INTS6L: variants seen among roughly 807,000 people sequenced by gnomAD.
INTS6L encodes integrator complex subunit 6 like, also known as integrator complex subunit 6-like.
In INTS6L, 18 loss-of-function variants were observed where a neutral mutation model predicts 64.7. The ratio of observed to expected loss-of-function variants is 0.28; its 90% CI spans 0.19 to 0.41. The LOEUF is 0.41. INTS6L is among the 10% of genes least tolerant of loss of function. INTS6L has a pLI of 1.00. For missense variants in INTS6L, 533 were observed against 661.0 expected, an observed-to-expected ratio of 0.81 and a Z score of 2.12; for synonymous variants, 227 against 235.9, an observed-to-expected ratio of 0.96 and a Z score of 0.34.
intron 2 of INTS6L, among the ~76,000 whole-genome samples, chrX:135,541,251 C>T (rs924856314): frequency 5.4e-5 from 6 of 111,497 alleles, no homozygotes; most frequent in Non-Finnish European, 1.1e-4. Flanking sequence ...CTTTTAGGAA[C>T]GTCAGTGTCC....
chrX:135,561,891 C>G (rs144543577), intron 9 of INTS6L, among the ~76,000 whole-genome samples: 137 of 111,256 alleles, frequency 1.2e-3, no homozygotes, highest in African/African-American at 4.1e-3. Context: ...CTATATTATT[C>G]CTGGTATTGA....
rs781944318 is a variant in INTS6L at position 135,570,502 on chromosome X, C to T, written c.1354C>T (p.Leu452Phe). 8.7e-7 allele frequency: 1 copy of T among 1,153,225 alleles called. No individual in the cohort carries two copies. The highest frequency in any genetic ancestry group is 1.9e-5 in the South Asian group (1 of 52,645). ...NLISDNLDCG[L>F]SYSVISYLKK... is the part of the protein sequence containing the mutation. ...GATATCAGATAATTTAGATTGTGGACTTAGTTACAGTGTTATCTCTTACCT... is the reference window on the plus strand; with the variant it reads ...GATATCAGATAATTTAGATTGTGGATTTAGTTACAGTGTTATCTCTTACCT... Residue 452 changes from leucine (L) to phenylalanine (F), a missense_variant, in exon 11 of 18, where the codon CTT (leucine) becomes TTT (phenylalanine). Transcript: ENST00000639893.
chrX:135,567,221 G>A, intron 9 of INTS6L, among the ~76,000 whole-genome samples: 1 of 112,015 alleles, frequency 8.9e-6, no homozygotes, highest in African/African-American at 3.2e-5. Context: ...GAAATGGGGA[G>A]AAAGGAACTG....
chrX:135,523,402 C>CAAAAAAA (rs782434658), intron 2 of INTS6L, among the ~76,000 whole-genome samples: 2 of 36,970 alleles, frequency 5.4e-5, no homozygotes, highest in South Asian at 4.1e-3. Flanking sequence ...ACTCTGTCGT[C>CAAAAAAA]AAAAAAAAAA....
Position 135,574,007 on chromosome X carries a change from C to G in INTS6L, c.1686C>G (p.Thr562=). ...IPRRGLLDQL[T]RMRSNLLKTH... ...GTAGAGGTCTTTTAGACCAGCTGAC[C>G]AGAATGAGATCCAATCTGCTGAAAA... Residue 562 remains threonine (T), a synonymous_variant, in exon 13 of 18, where the codon ACC becomes ACG. Coordinates refer to ENST00000639893, the MANE Select transcript of INTS6L (RefSeq NM_001351601.3). 1 of 1,205,094 alleles carries G rather than the reference C, an allele frequency of 8.3e-7. No individual in the cohort carries two copies. Among genetic ancestry groups the G allele is most frequent in the East Asian group, 3.0e-5 (1 of 33,499 alleles).
chrX:135,574,961 C>G (rs1556530020), intron 13 of INTS6L, 123 bp from the exon 14 acceptor site: 1 of 694,114 alleles, frequency 1.4e-6, no homozygotes, highest in Admixed American at 3.3e-5. Context: ...ATGCTAGATT[C>G]GAGACTTTAA....
At chrX:135,530,793 G>T (rs2085886833) in intron 2 of INTS6L, among the ~76,000 whole-genome samples, 2 of 112,016 alleles carry the variant, frequency 1.8e-5, no homozygotes, top group Non-Finnish European at 3.8e-5. Flanking sequence ...TGGGGTAGAA[G>T]AGTGGATTTT....
rs1046207839 is a variant in INTS6L at position 135,574,057 on chromosome X, A to G, written c.1736A>G (p.Asp579Gly). The G allele has an allele frequency of 1.7e-6, 2 of 1,184,528 alleles. No homozygotes were observed. The highest frequency in any genetic ancestry group is 2.6e-5 in the Admixed American group (1 of 39,029). ...LKTHKFIVGQ[D>G]EDSLHSVPVA... Reference sequence around the variant, plus strand: ...ACGCACAAGTTTATTGTTGGACAAGATGAAGGTAAAATAACTGTGAAATAC... The same window carrying G: ...ACGCACAAGTTTATTGTTGGACAAGGTGAAGGTAAAATAACTGTGAAATAC... Residue 579 changes from aspartate (D) to glycine (G), a missense_variant, in exon 13 of 18, where the codon GAT (aspartate) becomes GGT (glycine). By Grantham distance (94) the Asp-to-Gly change is moderately conservative. Coordinates refer to ENST00000639893, the MANE Select transcript of INTS6L (RefSeq NM_001351601.3).
At chrX:135,570,358 C>T (rs1355621893) in intron 10 of INTS6L, 78 bp from the exon 11 acceptor site, 3 of 923,374 alleles carry the variant, frequency 3.2e-6, no homozygotes, top group East Asian at 6.9e-5. Flanking sequence ...AATCATGTCC[C>T]TTTGCCCCTT....
intron 2 of INTS6L, among the ~76,000 whole-genome samples, chrX:135,545,064 A>T (rs534457132): frequency 8.0e-5 from 9 of 112,231 alleles, no homozygotes; most frequent in African/African-American, 2.9e-4. Context: ...CATTTAAAAA[A>T]TAACTACTCC....
chrX:135,567,909 G>A (rs1234039561), intron 9 of INTS6L, among the ~76,000 whole-genome samples: 1 of 111,962 alleles, frequency 8.9e-6, no homozygotes, highest in East Asian at 2.8e-4. Flanking sequence ...ATATGTAGTC[G>A]CTTTTCTTAA....
At chrX:135,532,888 C>T (rs781996988) in intron 2 of INTS6L, among the ~76,000 whole-genome samples, 20 of 110,330 alleles carry the variant, frequency 1.8e-4, no homozygotes, top group African/African-American at 6.3e-4. Flanking sequence ...CTAGGAAACA[C>T]GGCAAGACCT....
intron 2 of INTS6L, among the ~76,000 whole-genome samples, chrX:135,528,866 A>ACCACC (rs2085817302): frequency 4.2e-5 from 2 of 48,005 alleles, no homozygotes; most frequent in African/African-American, 7.8e-5. Flanking sequence ...TAAAATGAAC[A>ACCACC]CCCCCCCCCC....
chrX:135,553,481 A>ATCTT (rs1289456773), intron 8 of INTS6L, among the ~76,000 whole-genome samples: 1 of 80,770 alleles, frequency 1.2e-5, no homozygotes, highest in Non-Finnish European at 2.6e-5. Context: ...AATTTTTTAA[A>ATCTT]TTTTTTTTTT....
At chrX:135,561,531 C>T (rs1345376903) in intron 9 of INTS6L, among the ~76,000 whole-genome samples, 9 of 111,892 alleles carry the variant, frequency 8.0e-5, no homozygotes, top group African/African-American at 2.9e-4. Context: ...CAAGGTAATA[C>T]AAGCTCTTCA....
At chrX:135,561,862 G>A (rs2086797841) in intron 9 of INTS6L, among the ~76,000 whole-genome samples, 1 of 111,538 alleles carries the variant, frequency 9.0e-6, no homozygotes, top group Non-Finnish European at 1.9e-5. Context: ...GATGTGTACA[G>A]AGTCTTTAGT....
intron 9 of INTS6L, among the ~76,000 whole-genome samples, chrX:135,564,268 T>C (rs939876073): frequency 8.9e-6 from 1 of 111,799 alleles, no homozygotes; most frequent in Non-Finnish European, 1.9e-5. Flanking sequence ...CACTTAGTTA[T>C]TCTTTATATC....
chrX:135,533,096 AAAACAAAAAAAC>A (rs1556506279), intron 2 of INTS6L, among the ~76,000 whole-genome samples: 6 of 107,531 alleles, frequency 5.6e-5, no homozygotes, highest in African/African-American at 2.2e-4. Flanking sequence ...AACAAAAACA[AAAACAAAAAAAC>A]AACTTTTAAA....
intron 8 of INTS6L, among the ~76,000 whole-genome samples, chrX:135,553,482 T>TC (rs143314420): frequency 0.089 from 6,819 of 76,536 alleles, 374 homozygotes; most frequent in Non-Finnish European, 0.14. Flanking sequence ...ATTTTTTAAA[T>TC]TTTTTTTTTT....
Sources: gnomAD v4.1 joint callset for allele counts (sites outside exome capture counted in the v4.1 genomes callset) on GRCh38, gnomAD v4.1.1 for gene constraint, MANE v1.5 for transcripts, NCBI Gene and HGNC (gene_info 2026-07-23, HGNC 2026-07-21) for gene names.